UBN1: variants seen among roughly 807,000 people sequenced by gnomAD.
The protein encoded by UBN1 is ubinuclein-1.
In UBN1, 17 loss-of-function variants were observed where a neutral mutation model predicts 108.5. The ratio of observed to expected loss-of-function variants is 0.16; its 90% CI spans 0.11 to 0.24. The LOEUF is 0.24. UBN1 is among the 10% of genes least tolerant of loss of function. UBN1 has a pLI of 1.00. For synonymous variants in UBN1, 726 were observed against 564.2 expected (o/e 1.29, Z -4.07); for missense variants, 1,595 against 1,394.4 (o/e 1.14, Z -2.29).
At chr16:4,872,772 T>A (rs1237975486) in intron 12 of UBN1, 112 bp from the exon 13 acceptor site, 4 of 1,291,436 alleles carry the variant, frequency 3.1e-6, no homozygotes, top group Non-Finnish European at 4.4e-6. Flanking sequence ...CCTGGCCAGT[T>A]GACATTTAAT....
intron 2 of UBN1, among the ~76,000 whole-genome samples, chr16:4,856,267 A>G (rs2086805054): frequency 6.6e-6 from 1 of 152,234 alleles, no homozygotes; most frequent in South Asian, 2.1e-4. Flanking sequence ...TGCATGGAGG[A>G]TACACAGAGA....
At chr16:4,879,933 G>A (rs2088028718) in intron 17 of UBN1, 150 bp from the exon 18 acceptor site, 1 of 783,514 alleles carries the variant, frequency 1.3e-6, no homozygotes, top group African/African-American at 1.7e-5. Flanking sequence ...ACTGCTGGCT[G>A]GTGTCTCATG....
Position 4,872,807 on chromosome 16 carries a change from G to A in UBN1, c.1707-77G>A. The A allele has an allele frequency of 2.0e-6, 3 of 1,536,972 alleles. No homozygotes were observed. In the East Asian group the frequency reaches 6.8e-5, roughly 35 times the overall value. ...TGAGGGATAGCTACTGAGGACCAGG[G>A]ACACTAGCAAAGTTCTGGAAGCAGA... On this transcript the variant is annotated intron_variant, in intron 12 of 17. Transcript: ENST00000262376.
chr16:4,860,809 T>A lies in UBN1; in HGVS notation c.817T>A (p.Ser273Thr). 4 of 1,614,268 alleles carry A rather than the reference T, an allele frequency of 2.5e-6. No homozygotes were observed. Among genetic ancestry groups the A allele is most frequent in the Non-Finnish European group, 3.4e-6 (4 of 1,180,044 alleles). Reference sequence around the variant, plus strand: ...GGAGCATAAGCCTGTTGCGGTCCCATCAGCGGAAGCTCAGGGCCTGCGGGA... The same window carrying A: ...GGAGCATAAGCCTGTTGCGGTCCCAACAGCGGAAGCTCAGGGCCTGCGGGA... ...EEEHKPVAVP[S>T]AEAQGLRELE... Residue 273 changes from serine to threonine, a missense_variant, in exon 7 of 18, where the codon TCA (serine) becomes ACA (threonine). Coordinates refer to ENST00000262376, the MANE Select transcript of UBN1 (RefSeq NM_001079514.3).
chr16:4,848,510 C>G (rs1228400059), intron 1 of UBN1: 1 of 152,126 alleles, frequency 6.6e-6, no homozygotes, highest in Non-Finnish European at 1.5e-5. Flanking sequence ...GCAAAGGTGG[C>G]GAGTCGACAC....
chr16:4,857,929 C>A, intron 2 of UBN1, 61 bp from the exon 3 acceptor site: 1 of 1,298,164 alleles, frequency 7.7e-7, no homozygotes, highest in Non-Finnish European at 1.1e-6. Flanking sequence ...AGTGAAGTTT[C>A]TATGAATAAG....
intron 7 of UBN1, among the ~76,000 whole-genome samples, chr16:4,865,631 C>T (rs1322086738): frequency 1.3e-5 from 2 of 152,090 alleles, no homozygotes; most frequent in African/African-American, 4.8e-5. Flanking sequence ...GATCACGTCA[C>T]TGCACTCCAG....
intron 9 of UBN1, 27 bp downstream of exon 9, chr16:4,870,368 T>C: frequency 3.1e-6 from 5 of 1,613,386 alleles, no homozygotes; most frequent in Non-Finnish European, 4.2e-6. Flanking sequence ...TGAAGCCCTT[T>C]GGCTTTGGGG....
rs2087615513 is a variant in UBN1, at chr16:4,871,203, G to A, written c.1608G>A (p.Leu536=). 2 of 1,614,234 alleles carry A rather than the reference G, an allele frequency of 1.2e-6. No homozygotes were observed. Among genetic ancestry groups the A allele is most frequent in the Non-Finnish European group, 1.7e-6 (2 of 1,180,040 alleles). ...VVKIKLESQD[L]ERNNKAQAWE... The stretch of plus-strand genomic sequence containing the variant: ...AGATCAAACTGGAGAGCCAGGACCT[G>A]GAGAGGAACAACAAAGCCCAGGCTT... Residue 536 remains leucine, a synonymous_variant, in exon 12 of 18, where the codon CTG becomes CTA. Transcript: ENST00000262376.
In UBN1 at chr16:4,880,684, C is replaced by T. The variant is rs1448687785; in HGVS notation, c.*552C>T. The T allele has an allele frequency of 6.5e-6, 1 of 153,142 alleles. No homozygotes were observed. Among genetic ancestry groups the T allele is most frequent in the Non-Finnish European group, 1.5e-5 (1 of 68,632 alleles). The allele number at this position is 153,142 out of a possible 1,614,324, so 9.5% of individuals were successfully genotyped here. On this transcript the variant is annotated 3_prime_UTR_variant, in exon 18 of 18. Transcript: ENST00000262376. ...ATACTAAGAACACCTAGGGTGTGCT[C>T]ACTGTGGGGGCCAGTTTCTCCTCGG...
In UBN1 at chr16:4,874,467, G is replaced by T; in HGVS notation, c.2057G>T (p.Arg686Ile). ...AAGGAATTGGCTGCATTGAATAGCA[G>T]AGCAGCTGGGAACTCTGAATTCACA... Reference protein sequence around the residue: ...VSKELAALNSRAAGNSEFTLP... With the variant: ...VSKELAALNSIAAGNSEFTLP... The change falls in exon 15 of 18, where the codon AGA (arginine) becomes ATA (isoleucine). Residue 686 changes from arginine to isoleucine, a missense_variant. Physicochemically the swap from Arg to Ile is moderately conservative, Grantham distance 97. This residue lies in a region of UBN1 where 1,398 missense variants were observed against 1,194.7 expected (regional missense o/e 1.17). Coordinates refer to ENST00000262376, the MANE Select transcript of UBN1 (RefSeq NM_001079514.3). 1 of 1,614,204 alleles carries T rather than the reference G, an allele frequency of 6.2e-7. No individual in the cohort carries two copies. Among genetic ancestry groups the T allele is most frequent in the Non-Finnish European group, 8.5e-7 (1 of 1,180,038 alleles).
At chr16:4,870,069 T>C (rs892079541) in intron 8 of UBN1, 143 bp from the exon 9 acceptor site, 21 of 1,220,806 alleles carry the variant, frequency 1.7e-5, no homozygotes, top group Non-Finnish European at 3.4e-6. Context: ...TGTGTTTCCT[T>C]GGGCATTCAG....
At chr16:4,872,011 A>T (rs1351636264) in intron 12 of UBN1, among the ~76,000 whole-genome samples, 1 of 152,206 alleles carries the variant, frequency 6.6e-6, no homozygotes, top group African/African-American at 2.4e-5. Context: ...ATTGGAACTA[A>T]GTGCCAGGCT....
At chr16:4,871,129 G>C (rs1412869883) in intron 11 of UBN1, 26 bp from the exon 12 acceptor site, 3 of 1,613,294 alleles carry the variant, frequency 1.9e-6, no homozygotes. Flanking sequence ...GTAGTTTGGA[G>C]TTTCTGATTT....
Position 4,874,939 on chromosome 16 carries a change from G to A in UBN1, c.2529G>A (p.Gln843=). 5.0e-6 allele frequency: 8 copies of A among 1,614,174 alleles called. No homozygotes were observed. The highest frequency in any genetic ancestry group is 6.8e-6 in the Non-Finnish European group (8 of 1,180,048). ...SPTQCHRSLL[Q]LVKTAAKGQG... is the part of the protein sequence containing the mutation. ...CACAGTGTCATCGTTCCCTCCTGCAGTTAGTGAAGACAGCGGCCAAAGGCC... is the reference window on the plus strand; with the variant it reads ...CACAGTGTCATCGTTCCCTCCTGCAATTAGTGAAGACAGCGGCCAAAGGCC... Residue 843 remains glutamine, a synonymous_variant, in exon 15 of 18, where the codon CAG becomes CAA. Transcript: ENST00000262376.
chr16:4,858,324 T>C (rs1300603137), intron 3 of UBN1, among the ~76,000 whole-genome samples: 1 of 152,226 alleles, frequency 6.6e-6, no homozygotes, highest in Non-Finnish European at 1.5e-5. Flanking sequence ...AGAAATATTT[T>C]GGTACAAAGC....
rs2087809658 is a variant in UBN1, at chr16:4,874,930, C to A, written c.2520C>A (p.Ser840=). 1 of 1,614,200 alleles carries A rather than the reference C, an allele frequency of 6.2e-7. No homozygotes were observed. The highest frequency in any genetic ancestry group is 8.5e-7 in the Non-Finnish European group (1 of 1,180,054). The change falls in exon 15 of 18, where the codon TCC becomes TCA. Residue 840 remains serine, a synonymous_variant. Transcript: ENST00000262376. ...CTTCTCCCACACAGTGTCATCGTTC[C>A]CTCCTGCAGTTAGTGAAGACAGCGG... The part of the protein sequence containing the change: ...PKASPTQCHR[S]LLQLVKTAAK...
At position 4,868,986 on chromosome 16, in the gene UBN1, G is replaced by T. The variant is rs767335288; in HGVS notation, c.1181+83G>T. Reference sequence around the variant, plus strand: ...GCAAGCCAGCTAGGGGACAGTGGGAGTACAATTGAACTGCATAAAGGTGAC... The same window carrying T: ...GCAAGCCAGCTAGGGGACAGTGGGATTACAATTGAACTGCATAAAGGTGAC... On this transcript the variant is annotated intron_variant, in intron 8 of 17. Coordinates refer to ENST00000262376, the MANE Select transcript of UBN1 (RefSeq NM_001079514.3). 589 of 1,437,836 alleles carry T rather than the reference G, an allele frequency of 4.1e-4. 2 individuals are homozygous for T. Among genetic ancestry groups the T allele is most frequent in the Middle Eastern group, 2.3e-3 (13 of 5,654 alleles). The allele number at this position is 1,437,836 out of a possible 1,614,324, so 89.1% of individuals were successfully genotyped here.
At chr16:4,851,905 A>G (rs60612143) in intron 1 of UBN1, among the ~76,000 whole-genome samples, 2,762 of 152,308 alleles carry the variant, frequency 0.018, 75 homozygotes, top group African/African-American at 0.062. Flanking sequence ...AACAAGAAGA[A>G]GTACTTATAA....
Sources: allele counts gnomAD v4.1 joint callset (sites outside exome capture counted in the v4.1 genomes callset), GRCh38; gene constraint gnomAD v4.1.1; regional missense constraint gnomAD v4.1.1; transcripts MANE v1.5; gene names NCBI Gene and HGNC (gene_info 2026-07-23, HGNC 2026-07-21).